Variants in AKAP8 observed in about 807,000 individuals in gnomAD.
AKAP8 encodes A-kinase anchoring protein 8.
In AKAP8, 24 loss-of-function variants were observed where a neutral mutation model predicts 67.5. The ratio of observed to expected loss-of-function variants is 0.36; its 90% CI spans 0.26 to 0.50. The LOEUF (loss-of-function observed/expected upper bound fraction) is 0.50. AKAP8 is among the 20% of genes least tolerant of loss of function. AKAP8 has a pLI of 0.97. For missense variants in AKAP8, 971 were observed against 955.9 expected (o/e 1.02, Z -0.21); for synonymous variants, 400 against 371.1 (o/e 1.08, Z -0.90).
At position 15,373,011 on chromosome 19, in the gene AKAP8, C is replaced by A; in HGVS notation, c.701G>T (p.Gly234Val). Residue 234 changes from glycine (G) to valine (V), a missense_variant, in exon 5 of 14, where the codon GGC becomes GTC. Coordinates refer to ENST00000269701, the MANE Select transcript of AKAP8 (RefSeq NM_005858.4). ...WNELNYVGGRGLGGPSPSRPP... is the reference protein window; with the variant it reads ...WNELNYVGGRVLGGPSPSRPP... ...CCGGCTGGGGGAGGGCCCTCCCAGG[C>A]CCCGTCCACCCACGTAGTTCAGCTC... is the stretch of plus-strand genomic sequence containing the variant. 6.4e-7 allele frequency: 1 copy of A among 1,573,118 alleles called. No individual in the cohort carries two copies. The highest frequency in any genetic ancestry group is 8.6e-7 in the Non-Finnish European group (1 of 1,156,856).
chr19:15,373,811 C>T lies in AKAP8; in HGVS notation c.346G>A (p.Gly116Arg), dbSNP rs773038027. The change falls in exon 4 of 14, where the codon GGG becomes AGG. Residue 116 changes from glycine (G) to arginine (R), a missense_variant. Gly to Arg is a moderately radical substitution (Grantham distance 125). Coordinates refer to ENST00000269701, the MANE Select transcript of AKAP8 (RefSeq NM_005858.4). ...EGGRGGSGGG[G>R]EGIQDRESSF... ...CTCTCCCGGTCCTGTATGCCCTCCC[C>T]ACCGCCGCCGCTCCCGCCCCTGCCT... 4 of 1,610,720 alleles carry T rather than the reference C, an allele frequency of 2.5e-6. No individual in the cohort carries two copies. The South Asian group carries it at 4.4e-5, about 18-fold the overall frequency.
At chr19:15,367,255 C>A (rs1372346838) in intron 9 of AKAP8, among the ~76,000 whole-genome samples, 1 of 152,258 alleles carries the variant, frequency 6.6e-6, no homozygotes, top group East Asian at 1.9e-4. Flanking sequence ...CCAGACTGGG[C>A]GCAGTGGCTC....
rs558607656 is a variant in AKAP8, at chr19:15,366,029, A to AT, written c.1160+2205dup. On this transcript the variant is annotated intron_variant, in intron 9 of 13. Transcript: ENST00000269701. ...ACACAGCAAGACTCCATCTCAAAGG[A>AT]TAAAAAAAAAAAAAAAGAAAAAGAT... 3.9e-3 allele frequency among the ~76,000 whole-genome samples: 575 copies of AT among 147,740 alleles called. 3 individuals carry two copies. The highest frequency in any genetic ancestry group is 6.3e-3 in the Non-Finnish European group (422 of 66,978).
intron 3 of AKAP8, 82 bp downstream of exon 3, chr19:15,374,521 C>T: frequency 6.6e-7 from 1 of 1,521,178 alleles, no homozygotes; most frequent in Non-Finnish European, 9.0e-7. Context: ...CACGCCAGAC[C>T]TCCCTGACGG....
Position 15,372,869 on chromosome 19 carries a change from C to T in AKAP8, c.843G>A (p.Arg281=), listed in dbSNP as rs1038879785. The change falls in exon 5 of 14, where the codon CGG becomes CGA. Residue 281 remains arginine, a synonymous_variant. Transcript: ENST00000269701. ...GGCTTACCCGATCCCGATCCCGCATCCGAGGCTGCGAGCGGCCACATCCGT... is the reference window on the plus strand; with the variant it reads ...GGCTTACCCGATCCCGATCCCGCATTCGAGGCTGCGAGCGGCCACATCCGT... ...MPYGCGRSQP[R]MRDRDRPKRR... is the part of the protein sequence containing the mutation. The T allele has an allele frequency of 1.4e-5, 21 of 1,501,276 alleles. No individual in the cohort carries two copies. The highest frequency in any genetic ancestry group is 1.8e-5 in the Non-Finnish European group (20 of 1,125,750). 93.0% of individuals were successfully genotyped at this position (1,501,276 alleles called of 1,614,324 possible).
chr19:15,376,725 C>T (rs545473687), intron 2 of AKAP8, among the ~76,000 whole-genome samples: 1 of 152,292 alleles, frequency 6.6e-6, no homozygotes, highest in African/African-American at 2.4e-5. Flanking sequence ...AAATTAGGAA[C>T]TTCAAATTGT....
In AKAP8 at chr19:15,374,106, C is replaced by T. The variant is rs528399445; in HGVS notation, c.92-41G>A. The T allele has an allele frequency of 3.3e-4, 499 of 1,522,998 alleles. 9 individuals are homozygous for T. In the South Asian group the frequency reaches 6.0e-3, roughly 18 times the overall value. The allele number at this position is 1,522,998 out of a possible 1,614,324, so 94.3% of individuals were successfully genotyped here. On this transcript the variant is annotated intron_variant, in intron 3 of 13. Coordinates refer to ENST00000269701, the MANE Select transcript of AKAP8 (RefSeq NM_005858.4). The stretch of plus-strand genomic sequence containing the variant: ...GAGCCAAGTCAGACTTCAGCAGCCA[C>T]GAGGCCTGTCCATGGTGGACACAAC...
intron 7 of AKAP8, among the ~76,000 whole-genome samples, chr19:15,370,907 G>C (rs1449703064): frequency 6.6e-6 from 1 of 152,118 alleles, no homozygotes; most frequent in Non-Finnish European, 1.5e-5. Context: ...TGGGATTACA[G>C]GTGTGAGCCA....
intron 11 of AKAP8, 61 bp downstream of exon 11, chr19:15,361,668 G>A (rs751017672): frequency 2.0e-5 from 29 of 1,475,740 alleles, no homozygotes; most frequent in Middle Eastern, 1.7e-4. Flanking sequence ...CACGTTTTAC[G>A]GGTCCTGTCA....
chr19:15,379,765 C>T lies in AKAP8; in HGVS notation c.-34G>A. ...CGCGGCCCACCAGCAGCCCCGTTTA[C>T]TAGGCGACCACAGCACGCATGCGTT... On this transcript the variant is annotated 5_prime_UTR_variant, in exon 1 of 14. It removes the in-frame stop codon of an upstream open reading frame in the 5' UTR. Transcript: ENST00000269701. The T allele has an allele frequency of 1.2e-6, 2 of 1,610,146 alleles. No individual in the cohort carries two copies. Among genetic ancestry groups the T allele is most frequent in the South Asian group, 1.1e-5 (1 of 90,406 alleles).
rs773852872 is a variant in AKAP8, at chr19:15,362,288, AGCATCAGCGAGTGAAGCAGGGG to A, written c.1161-59_1161-38del. On this transcript the variant is annotated intron_variant, in intron 9 of 13. Coordinates refer to ENST00000269701, the MANE Select transcript of AKAP8 (RefSeq NM_005858.4). ...AAACAAGGAGGGGAGTGAAGCAGGGAGCATCAGCGAGTGAAGCAGGGGGCATCAGCTCACCTCTGAGGAGAGC... is the reference window on the plus strand; with the variant it reads ...AAACAAGGAGGGGAGTGAAGCAGGGAGCATCAGCTCACCTCTGAGGAGAGC... 24 of 1,611,344 alleles carry A rather than the reference AGCATCAGCGAGTGAAGCAGGGG, an allele frequency of 1.5e-5. No individual in the cohort carries two copies. In the East Asian group the frequency reaches 2.0e-4, roughly 14 times the overall value.
intron 13 of AKAP8, 68 bp from the exon 14 acceptor site, chr19:15,355,438 T>C: frequency 6.9e-7 from 1 of 1,449,888 alleles, no homozygotes; most frequent in South Asian, 1.3e-5. Context: ...ATTGCGGGGA[T>C]GTCAGCTTTT....
chr19:15,376,103 A>C (rs1018535533), intron 2 of AKAP8, among the ~76,000 whole-genome samples: 3 of 151,838 alleles, frequency 2.0e-5, no homozygotes, highest in Non-Finnish European at 4.4e-5. Flanking sequence ...CTAATTTTTC[A>C]TTAGTTGGAT....
intron 9 of AKAP8, among the ~76,000 whole-genome samples, chr19:15,367,684 T>A (rs1180613592): frequency 6.6e-6 from 1 of 152,212 alleles, no homozygotes; most frequent in Non-Finnish European, 1.5e-5. Flanking sequence ...CACAATGACA[T>A]CCTTTGGGCT....
rs551926875 is a variant in AKAP8 at position 15,369,498 on chromosome 19, C to G, written c.1072+648G>C. Among the ~76,000 whole-genome samples, 3 of 152,330 alleles carry G rather than the reference C, an allele frequency of 2.0e-5. No homozygotes were observed. In the East Asian group the frequency reaches 5.8e-4, roughly 29 times the overall value. ...AGTGGCTTCAGGGTGAGCTCCAGGC[C>G]GCGGCACCTCAGGCCGCTCTGCCAT... On this transcript the variant is annotated intron_variant, in intron 8 of 13. Transcript: ENST00000269701. This position sits in a 1 kb window ranked among gnomAD's most constrained non-coding sequence, Gnocchi z 4.6.
intron 2 of AKAP8, among the ~76,000 whole-genome samples, chr19:15,375,022 T>C (rs1260442310): frequency 6.6e-6 from 1 of 152,172 alleles, no homozygotes. Flanking sequence ...CAGCGAAGCA[T>C]TGGTGCAAAG....
intron 9 of AKAP8, 121 bp from the exon 10 acceptor site, chr19:15,362,372 C>G (rs28534415): frequency 7.1e-6 from 6 of 848,956 alleles, no homozygotes; most frequent in East Asian, 5.9e-5. Context: ...TCCCCCTCCC[C>G]CTCTCCCTCT....
Position 15,354,806 on chromosome 19 carries a change from G to A in AKAP8, c.*109C>T, listed in dbSNP as rs1599553016. ...ACGCTGGGTCTCTTCACCAAAATTA[G>A]ATTACAGCATATTCTGGGAGCACAC... is the stretch of plus-strand genomic sequence containing the variant. On this transcript the variant is annotated 3_prime_UTR_variant, in exon 14 of 14. Transcript: ENST00000269701. The A allele has an allele frequency of 7.5e-7, 1 of 1,333,506 alleles. No individual in the cohort carries two copies. The highest frequency in any genetic ancestry group is 2.3e-5 in the East Asian group (1 of 42,936). 82.6% of individuals were successfully genotyped at this position (1,333,506 alleles called of 1,614,324 possible).
In AKAP8 at chr19:15,353,707, C is replaced by G. The variant is rs553179704; in HGVS notation, c.*1208G>C. On this transcript the variant is annotated 3_prime_UTR_variant, in exon 14 of 14. Coordinates refer to ENST00000269701, the MANE Select transcript of AKAP8 (RefSeq NM_005858.4). ...TCTACAGCCTCCTTTCTAATGATTT[C>G]CCAGTGGCCAGCGTTTCCCAACATG... 1.3e-5 allele frequency: 2 copies of G among 152,184 alleles called. No homozygotes were observed. The highest frequency in any genetic ancestry group is 2.4e-5 in the African/African-American group (1 of 41,518). 9.4% of individuals were successfully genotyped at this position (152,184 alleles called of 1,614,324 possible).
Sources: allele counts gnomAD v4.1 joint callset (sites outside exome capture counted in the v4.1 genomes callset), GRCh38; gene constraint gnomAD v4.1.1; non-coding constraint Gnocchi (gnomAD v3.1); transcripts MANE v1.5; gene names NCBI Gene and HGNC (gene_info 2026-07-23, HGNC 2026-07-21).